FKBP5: variants seen among roughly 807,000 people sequenced by gnomAD.
FKBP5 encodes the protein peptidyl-prolyl cis-trans isomerase FKBP5.
FKBP5 carries 23 observed loss-of-function variants against 50.5 expected under a neutral mutation model. The observed-to-expected ratio is 0.46, with a 90% CI of 0.33 to 0.65. The LOEUF (loss-of-function observed/expected upper bound fraction) is 0.65, where lower values mean the gene tolerates loss of function less well. FKBP5 is among the 30% of genes least tolerant of loss of function. The pLI is 0.02. For missense variants in FKBP5, 411 were observed against 553.1 expected, an observed-to-expected ratio of 0.74 and a Z score of 2.58; for synonymous variants, 176 against 190.6, an observed-to-expected ratio of 0.92 and a Z score of 0.63.
intron 2 of FKBP5, among the ~76,000 whole-genome samples, chr6:35,714,303 T>A (rs569898325): frequency 1.5e-5 from 2 of 133,182 alleles, no homozygotes; most frequent in African/African-American, 2.9e-5. Flanking sequence ...AATACAAAAA[T>A]TAGCCGGGCG....
At chr6:35,613,241 G>T (rs749590192) in intron 5 of FKBP5, among the ~76,000 whole-genome samples, 1 of 152,054 alleles carries the variant, frequency 6.6e-6, no homozygotes, top group Non-Finnish European at 1.5e-5. Context: ...TTGAGACGGA[G>T]TTTCCCTCTG....
At chr6:35,585,584 C>A (rs1043415136) in intron 8 of FKBP5, 126 of 984,744 alleles carry the variant, frequency 1.3e-4, no homozygotes, top group Admixed American at 7.4e-4. Context: ...TTCTATCATA[C>A]CCCCATGCTT....
chr6:35,680,961 C>T (rs765512762), intron 1 of FKBP5, among the ~76,000 whole-genome samples: 8 of 152,174 alleles, frequency 5.3e-5, no homozygotes, highest in East Asian at 1.9e-4. Flanking sequence ...TACCTTGAAT[C>T]GTTTTGAGGA....
intron 2 of FKBP5, among the ~76,000 whole-genome samples, chr6:35,712,173 G>T (rs1766428091): frequency 6.6e-6 from 1 of 151,792 alleles, no homozygotes; most frequent in African/African-American, 2.4e-5. Flanking sequence ...AGCCACACCT[G>T]GCCTCTCTGT....
intron 5 of FKBP5, chr6:35,607,830 G>T: frequency 4.5e-6 from 1 of 221,162 alleles, no homozygotes; most frequent in East Asian, 1.1e-4. Flanking sequence ...AAGGACAAAT[G>T]GGCCCTCAAG....
chr6:35,636,929 T>C (rs1239925493), intron 3 of FKBP5, 85 bp downstream of exon 3: 2 of 1,291,790 alleles, frequency 1.5e-6, no homozygotes, highest in Non-Finnish European at 2.1e-6. Flanking sequence ...TCTTTACTTT[T>C]AGAAAGGATA....
chr6:35,579,266 C>T (rs1418727782), intron 9 of FKBP5, among the ~76,000 whole-genome samples: 1 of 152,012 alleles, frequency 6.6e-6, no homozygotes, highest in Non-Finnish European at 1.5e-5. Flanking sequence ...AAACACTGAT[C>T]CACAAAATTC....
At chr6:35,615,928 T>C (rs1326248360) in intron 5 of FKBP5, among the ~76,000 whole-genome samples, 2 of 152,178 alleles carry the variant, frequency 1.3e-5, no homozygotes, top group Non-Finnish European at 2.9e-5. Context: ...ATCACTTCAG[T>C]GGTATTTTCA....
At chr6:35,689,205 A>G (rs1765933834), upstream of FKBP5, among the ~76,000 whole-genome samples, 1 of 152,058 alleles carries the variant, frequency 6.6e-6, no homozygotes, top group Admixed American at 6.5e-5. Flanking sequence ...ACCCCCTCAC[A>G]TCTCTTACCT....
At chr6:35,619,259 C>T (rs780599045) in intron 4 of FKBP5, 49 bp from the exon 5 acceptor site, 1 of 1,319,304 alleles carries the variant, frequency 7.6e-7, no homozygotes, top group Non-Finnish European at 1.1e-6. Flanking sequence ...ATAAAGCCAA[C>T]TGAACATATG....
intron 1 of FKBP5, among the ~76,000 whole-genome samples, chr6:35,657,588 C>A (rs745844063): frequency 1.3e-5 from 2 of 152,180 alleles, no homozygotes; most frequent in Non-Finnish European, 2.9e-5. Flanking sequence ...GATAATCTCC[C>A]CATTTCAAAG....
At chr6:35,677,865 C>T (rs1765567974) in intron 1 of FKBP5, among the ~76,000 whole-genome samples, 1 of 151,868 alleles carries the variant, frequency 6.6e-6, no homozygotes, top group South Asian at 2.1e-4. Flanking sequence ...CTCATTGCAG[C>T]CTCAACCTCC....
chr6:35,614,337 GA>G (rs1763580484), intron 5 of FKBP5, among the ~76,000 whole-genome samples: 1 of 152,216 alleles, frequency 6.6e-6, no homozygotes, highest in African/African-American at 2.4e-5. Context: ...TAATAAGGAT[GA>G]GGGGGAAATG....
At chr6:35,726,533 CCTCCACACA>C (rs1766714404) in intron 1 of FKBP5, among the ~76,000 whole-genome samples, 1 of 126,142 alleles carries the variant, frequency 7.9e-6, no homozygotes, top group Non-Finnish European at 1.6e-5. Context: ...ATCTCCTCCT[CCTCCACACA>C]CACACACACA....
intron 2 of FKBP5, among the ~76,000 whole-genome samples, chr6:35,638,370 C>T (rs902713776): frequency 6.6e-6 from 1 of 152,280 alleles, no homozygotes; most frequent in South Asian, 2.1e-4. Context: ...CACATAAACA[C>T]TGTGAACTTA....
At chr6:35,632,587 A>C (rs184216899) in intron 3 of FKBP5, among the ~76,000 whole-genome samples, 1 of 152,114 alleles carries the variant, frequency 6.6e-6, no homozygotes, top group East Asian at 1.9e-4. Flanking sequence ...TAAAGAATAG[A>C]GTTTAAAAGA....
At chr6:35,613,368 C>T (rs1763550261) in intron 5 of FKBP5, among the ~76,000 whole-genome samples, 1 of 152,180 alleles carries the variant, frequency 6.6e-6, no homozygotes, top group South Asian at 2.1e-4. Context: ...GTGCCCACAA[C>T]CACTCCCAGC....
At chr6:35,616,480 T>G (rs980923994) in intron 5 of FKBP5, among the ~76,000 whole-genome samples, 2 of 152,084 alleles carry the variant, frequency 1.3e-5, no homozygotes, top group African/African-American at 4.8e-5. Flanking sequence ...ATAAATGTAC[T>G]GTGATTAGGT....
rs747844338 is a variant in FKBP5 at position 35,577,077 on chromosome 6, G to C, written c.1183C>G (p.Gln395Glu). Reference sequence around the variant, plus strand: ...TCGTTGTGCTCCTTGGCCTTTTTCTGGCACATGGAGATCTGCAGTCTTGCA... The same window carrying C: ...TCGTTGTGCTCCTTGGCCTTTTTCTCGCACATGGAGATCTGCAGTCTTGCA... ...KAARLQISMC[Q>E]KKAKEHNERD... Residue 395 changes from glutamine to glutamate, a missense_variant, in exon 10 of 11, where the codon CAG (glutamine) becomes GAG (glutamate). Gln to Glu is a conservative substitution (Grantham distance 29). Transcript: ENST00000357266. The C allele has an allele frequency of 1.2e-6, 2 of 1,614,092 alleles. No homozygotes were observed. Among genetic ancestry groups the C allele is most frequent in the Non-Finnish European group, 1.7e-6 (2 of 1,180,016 alleles).
Sources: allele counts gnomAD v4.1 joint callset (sites outside exome capture counted in the v4.1 genomes callset), GRCh38; gene constraint gnomAD v4.1.1; transcripts MANE v1.5; gene names NCBI Gene and HGNC (gene_info 2026-07-23, HGNC 2026-07-21).